Variants in MAP4K5 observed in about 807,000 individuals in gnomAD.
MAP4K5 encodes the protein mitogen-activated protein kinase kinase kinase kinase 5, also known as MAPK/ERK kinase kinase kinase 5.
MAP4K5 carries 82 observed loss-of-function variants against 135.6 expected under a neutral mutation model. That is an observed-to-expected ratio of 0.60 (90% CI 0.51 to 0.73). The LOEUF is 0.73. Among genes scored for constraint, MAP4K5 ranks in the 30% least tolerant of loss-of-function variants. The pLI, the probability that MAP4K5 is intolerant of heterozygous loss-of-function variation, is 0.00. For synonymous variants in MAP4K5, 347 were observed against 335.0 expected (o/e 1.04, Z -0.39); for missense variants, 907 against 1,010.9 (o/e 0.90, Z 1.39).
chr14:50,536,850 G>A (rs192079212), upstream of MAP4K5, among the ~76,000 whole-genome samples: 9 of 152,294 alleles, frequency 5.9e-5, no homozygotes, highest in Non-Finnish European at 1.2e-4. Context: ...TCAAGAGGTG[G>A]CTAGGGTGTT....
intron 2 of MAP4K5, among the ~76,000 whole-genome samples, chr14:50,528,633 G>T (rs1189755598): frequency 6.6e-6 from 1 of 151,984 alleles, no homozygotes; most frequent in East Asian, 1.9e-4. Context: ...TGAGGAGAGA[G>T]AATCCCTTAA....
At chr14:50,560,409 G>A in intron 1 of MAP4K5, 1 of 1,418,702 alleles carries the variant, frequency 7.0e-7, no homozygotes, top group Non-Finnish European at 9.7e-7. Context: ...CTGCGTCCAC[G>A]GCTGGGAGAC....
rs117626967 is a variant in MAP4K5, at chr14:50,540,125, G to T, written c.-94+2374C>A. On this transcript the variant is annotated intron_variant, in intron 2 of 8. Coordinates refer to the MAP4K5 transcript ENST00000555216. ...ACTGGGATCCATGATTTTATATCCT[G>T]GTAGAGGTCAGGTGGCTCAACTGTC... Among the ~76,000 whole-genome samples the T allele has an allele frequency of 7.4e-4, 113 of 152,324 alleles. 4 individuals carry two copies. The East Asian group carries it at 0.019, about 26-fold the overall frequency.
chr14:50,438,013 A>T lies in MAP4K5; in HGVS notation c.1709-5T>A. The T allele has an allele frequency of 6.7e-7, 1 of 1,500,824 alleles. No individual in the cohort carries two copies. Among genetic ancestry groups the T allele is most frequent in the Non-Finnish European group, 9.3e-7 (1 of 1,078,492 alleles). The allele number at this position is 1,500,824 out of a possible 1,614,324, so 93.0% of individuals were successfully genotyped here. On this transcript the variant is annotated splice_polypyrimidine_tract_variant and splice_region_variant and intron_variant, in intron 24 of 32. Transcript: ENST00000682126. ...AGTAGAGCTGAAAGGTTTTTCCTATAAAAGAAAAACATGTTACCTTTTTGA... is the reference window on the plus strand; with the variant it reads ...AGTAGAGCTGAAAGGTTTTTCCTATTAAAGAAAAACATGTTACCTTTTTGA...
chr14:50,483,657 G>C (rs1595498183), intron 5 of MAP4K5, among the ~76,000 whole-genome samples: 1 of 141,976 alleles, frequency 7.0e-6, no homozygotes, highest in Middle Eastern at 3.6e-3. Context: ...GGTTTAATAA[G>C]AGAAAGTCAG....
At chr14:50,526,900 G>A (rs906237626) in intron 2 of MAP4K5, among the ~76,000 whole-genome samples, 1 of 152,172 alleles carries the variant, frequency 6.6e-6, no homozygotes, top group African/African-American at 2.4e-5. Context: ...AGGAACCCAC[G>A]TTAGTGATAA....
chr14:50,527,832 AAT>A (rs2038299738), intron 2 of MAP4K5, among the ~76,000 whole-genome samples: 2 of 53,026 alleles, frequency 3.8e-5, no homozygotes, highest in African/African-American at 5.7e-5. Context: ...TAATAATAAT[AAT>A]AATAAATAAA....
intron 2 of MAP4K5, among the ~76,000 whole-genome samples, chr14:50,525,930 T>C (rs896277961): frequency 1.3e-5 from 2 of 152,310 alleles, no homozygotes; most frequent in African/African-American, 4.8e-5. Flanking sequence ...TGCCAGAAAA[T>C]AGCCTCTATT....
intron 8 of MAP4K5, among the ~76,000 whole-genome samples, 193 bp from the exon 9 acceptor site, chr14:50,475,342 A>G (rs993731393): frequency 1.1e-4 from 16 of 152,208 alleles, no homozygotes; most frequent in African/African-American, 3.6e-4. Flanking sequence ...GCACTTTACT[A>G]GAATGAAAAT....
chr14:50,495,647 G>A (rs908855583), intron 3 of MAP4K5, among the ~76,000 whole-genome samples: 15 of 152,324 alleles, frequency 9.8e-5, no homozygotes, highest in African/African-American at 3.4e-4. Context: ...ATAGCCAAGA[G>A]GTAGAGGCAA....
chr14:50,440,873 G>C (rs779159712), intron 21 of MAP4K5, among the ~76,000 whole-genome samples: 1 of 152,110 alleles, frequency 6.6e-6, no homozygotes, highest in Non-Finnish European at 1.5e-5. Flanking sequence ...AAAAGAACCA[G>C]GGCTTCTTAG....
At chr14:50,477,587 T>C (rs1322183851) in intron 6 of MAP4K5, among the ~76,000 whole-genome samples, 1 of 152,176 alleles carries the variant, frequency 6.6e-6, no homozygotes, top group Non-Finnish European at 1.5e-5. Flanking sequence ...CTTTTACCAT[T>C]AAGTATGAGT....
intron 14 of MAP4K5, among the ~76,000 whole-genome samples, chr14:50,452,305 T>C (rs945678744): frequency 4.6e-5 from 7 of 152,164 alleles, no homozygotes; most frequent in Admixed American, 3.3e-4. Flanking sequence ...AAAGGACAAA[T>C]AGAAATCTCA....
chr14:50,551,889 A>G (rs2140160951), intron 1 of MAP4K5, among the ~76,000 whole-genome samples: 1 of 152,322 alleles, frequency 6.6e-6, no homozygotes, highest in East Asian at 1.9e-4. Flanking sequence ...TCTATGACAC[A>G]CCAACAGGCA....
intron 2 of MAP4K5, among the ~76,000 whole-genome samples, chr14:50,510,711 G>T (rs1448088239): frequency 6.6e-6 from 1 of 152,142 alleles, no homozygotes; most frequent in East Asian, 1.9e-4. Flanking sequence ...ACAAAAGTAA[G>T]ATTTTGTGGT....
At chr14:50,531,561 G>C (rs182580449) in intron 2 of MAP4K5, among the ~76,000 whole-genome samples, 1 of 152,108 alleles carries the variant, frequency 6.6e-6, no homozygotes, top group South Asian at 2.1e-4. Context: ...AAATGCAAAT[G>C]TCTGAATGTC....
chr14:50,518,912 T>A (rs1017170129), intron 2 of MAP4K5, among the ~76,000 whole-genome samples: 11 of 152,220 alleles, frequency 7.2e-5, no homozygotes. Flanking sequence ...TGGGTGCAAA[T>A]TTTTTTGGAG....
intron 17 of MAP4K5, among the ~76,000 whole-genome samples, chr14:50,445,654 C>T (rs985426415): frequency 3.9e-5 from 6 of 152,168 alleles, no homozygotes; most frequent in African/African-American, 1.2e-4. Flanking sequence ...ACTGCAACCT[C>T]CACCTCCTGG....
At chr14:50,492,591 CA>C (rs11312204) in intron 3 of MAP4K5, among the ~76,000 whole-genome samples, 107,221 of 121,856 alleles carry the variant, frequency 0.88, 47,145 homozygotes, top group Non-Finnish European at 0.93. Context: ...GACCCCATCT[CA>C]AAAAAAAAAA....
Sources: gnomAD v4.1 joint callset for allele counts (sites outside exome capture counted in the v4.1 genomes callset) on GRCh38, gnomAD v4.1.1 for gene constraint, MANE v1.5 for transcripts, NCBI Gene and HGNC (gene_info 2026-07-23, HGNC 2026-07-21) for gene names.